Variants in CACNB2 observed in about 807,000 individuals in gnomAD.
CACNB2 encodes the protein calcium voltage-gated channel auxiliary subunit beta 2, also known as voltage-dependent L-type calcium channel subunit beta-2.
In CACNB2, 42 loss-of-function variants were observed where a neutral mutation model predicts 73.3. That is an observed-to-expected ratio of 0.57 (90% CI 0.45 to 0.74). The LOEUF (loss-of-function observed/expected upper bound fraction) is 0.74, where lower values mean the gene tolerates loss of function less well. Ranked by LOEUF, CACNB2 falls within the 30% of genes least tolerant of loss-of-function variation. The pLI is 0.00. For missense variants in CACNB2, 940 were observed against 853.0 expected (o/e 1.10, Z -1.27); for synonymous variants, 348 against 310.3 (o/e 1.12, Z -1.28).
chr10:18,228,857 G>C (rs920381037), intron 2 of CACNB2, among the ~76,000 whole-genome samples: 3 of 152,124 alleles, frequency 2.0e-5, no homozygotes, highest in African/African-American at 4.8e-5. Context: ...TCCTGCCTCA[G>C]CCTCCCAAGT....
At chr10:18,190,445 A>T (rs143155872) in intron 2 of CACNB2, among the ~76,000 whole-genome samples, 2 of 152,266 alleles carry the variant, frequency 1.3e-5, no homozygotes, top group East Asian at 3.9e-4. Flanking sequence ...ACTTGGAGGG[A>T]ATGGTCATGG....
chr10:18,248,789 C>T (rs2036968865), intron 2 of CACNB2, among the ~76,000 whole-genome samples: 1 of 152,164 alleles, frequency 6.6e-6, no homozygotes, highest in Non-Finnish European at 1.5e-5. Flanking sequence ...TATCTGAGTT[C>T]CCGTGATGGA....
At chr10:18,310,072 C>T (rs548938860) in intron 2 of CACNB2, among the ~76,000 whole-genome samples, 94 of 152,152 alleles carry the variant, frequency 6.2e-4, no homozygotes, top group African/African-American at 2.2e-3. Flanking sequence ...TACTCAGTTA[C>T]AGTTTCTTAA....
chr10:18,174,247 CCCCTT>C (rs10599460), intron 2 of CACNB2, among the ~76,000 whole-genome samples: 6,589 of 128,894 alleles, frequency 0.051, 487 homozygotes, highest in African/African-American at 0.16. Flanking sequence ...CTTCTCCCCT[CCCCTT>C]CCCTTCCCTC....
At position 18,314,698 on chromosome 10, in the gene CACNB2, A is replaced by T. The variant is rs181879775; in HGVS notation, c.214-87226A>T. ...TACAGCAAAACATTTTTTCATACACATGAACCCTACAGTACCCACTGTAAC... is the reference window on the plus strand; with the variant it reads ...TACAGCAAAACATTTTTTCATACACTTGAACCCTACAGTACCCACTGTAAC... On this transcript the variant is annotated intron_variant, in intron 2 of 13. Coordinates refer to ENST00000324631, the MANE Select transcript of CACNB2 (RefSeq NM_201596.3). Among the ~76,000 whole-genome samples, 212 of 152,290 alleles carry T rather than the reference A, an allele frequency of 1.4e-3. 5 individuals carry two copies. Among genetic ancestry groups the T allele is most frequent in the Non-Finnish European group, 1.8e-4 (12 of 68,030 alleles).
intron 2 of CACNB2, among the ~76,000 whole-genome samples, chr10:18,288,704 CAG>C (rs1554785396): frequency 1.3e-4 from 19 of 151,364 alleles, no homozygotes; most frequent in South Asian, 2.1e-4. Flanking sequence ...CACACACACA[CAG>C]AGATACCCAG....
intron 2 of CACNB2, among the ~76,000 whole-genome samples, chr10:18,157,363 C>G (rs529358388): frequency 1.3e-5 from 2 of 152,264 alleles, no homozygotes; most frequent in South Asian, 4.1e-4. Context: ...TTCTGTACAG[C>G]AGCTTTTTCC....
intron 3 of CACNB2, among the ~76,000 whole-genome samples, chr10:18,448,479 T>TAAAAAAAAAAAAAAA (rs56255761): frequency 2.8e-5 from 3 of 107,028 alleles, no homozygotes; most frequent in Middle Eastern, 5.4e-3. Context: ...CTCTCTCATT[T>TAAAAAAAAAAAAAAA]AAAAAAAAAA....
At chr10:18,205,749 G>A (rs1293196397) in intron 2 of CACNB2, among the ~76,000 whole-genome samples, 3 of 152,244 alleles carry the variant, frequency 2.0e-5, no homozygotes, top group Admixed American at 6.5e-5. Context: ...GGAGTGGAGA[G>A]AAGAGGGTAG....
intron 3 of CACNB2, among the ~76,000 whole-genome samples, chr10:18,496,370 A>G (rs1053337770): frequency 6.6e-6 from 1 of 152,176 alleles, no homozygotes; most frequent in Non-Finnish European, 1.5e-5. Flanking sequence ...AGAGGCAGGT[A>G]GAACAAATTA....
In CACNB2 at chr10:18,528,818, T is replaced by C. The variant is rs112386069; in HGVS notation, c.1054+1121T>C. ...CAGTTAAAACTCTTTCCACACATCATTTGATGCTCACAAGAATTACTTTTT... is the reference window on the plus strand; with the variant it reads ...CAGTTAAAACTCTTTCCACACATCACTTGATGCTCACAAGAATTACTTTTT... On this transcript the variant is annotated intron_variant, in intron 10 of 13. Transcript: ENST00000324631. Among the ~76,000 whole-genome samples, 127 of 152,312 alleles carry C rather than the reference T, an allele frequency of 8.3e-4. 1 individual carries two copies. The highest frequency in any genetic ancestry group is 2.8e-3 in the African/African-American group (115 of 41,574).
At chr10:18,346,668 C>T (rs1285909315) in intron 2 of CACNB2, among the ~76,000 whole-genome samples, 1 of 152,084 alleles carries the variant, frequency 6.6e-6, no homozygotes, top group Non-Finnish European at 1.5e-5. Flanking sequence ...ATGATCTCAG[C>T]TTACTGCAAC....
chr10:18,512,530 C>A (rs1340527610), intron 6 of CACNB2, among the ~76,000 whole-genome samples: 2 of 152,178 alleles, frequency 1.3e-5, no homozygotes, highest in African/African-American at 2.4e-5. Flanking sequence ...TACACAAAAT[C>A]TGCAAAAAGA....
At chr10:18,444,546 G>A (rs1022265689) in intron 3 of CACNB2, among the ~76,000 whole-genome samples, 13 of 152,054 alleles carry the variant, frequency 8.5e-5, no homozygotes, top group Admixed American at 5.2e-4. Context: ...GTTTTATGGC[G>A]GGAGCAGTGG....
chr10:18,324,147 G>A (rs1475267928), intron 2 of CACNB2, among the ~76,000 whole-genome samples: 1 of 152,110 alleles, frequency 6.6e-6, no homozygotes, highest in East Asian at 1.9e-4. Context: ...CTATTAATTA[G>A]GTACCATCTA....
chr10:18,196,007 C>T (rs1396450029), intron 2 of CACNB2, among the ~76,000 whole-genome samples: 3 of 152,052 alleles, frequency 2.0e-5, no homozygotes, highest in African/African-American at 7.2e-5. Context: ...CAATAGTAAC[C>T]CTAGTGATGG....
chr10:18,482,807 A>G (rs7073796), intron 3 of CACNB2, among the ~76,000 whole-genome samples: 94,291 of 152,048 alleles, frequency 0.62, 29,448 homozygotes, highest in South Asian at 0.79. Context: ...CCACCACGCC[A>G]GGCCTGGGGT....
At chr10:18,340,724 G>A (rs2041197188) in intron 2 of CACNB2, 6 of 1,455,548 alleles carry the variant, frequency 4.1e-6, no homozygotes, top group Non-Finnish European at 5.4e-6. Context: ...AGTGGTTCTG[G>A]AACAGAGAGC....
chr10:18,418,857 T>C (rs529281407), intron 3 of CACNB2, among the ~76,000 whole-genome samples: 97 of 152,336 alleles, frequency 6.4e-4, no homozygotes, highest in African/African-American at 1.5e-3. Flanking sequence ...GGCAAAAATG[T>C]ACAGTCTAAT....
Sources: gnomAD v4.1 joint callset for allele counts (sites outside exome capture counted in the v4.1 genomes callset) on GRCh38, gnomAD v4.1.1 for gene constraint, MANE v1.5 for transcripts, NCBI Gene and HGNC (gene_info 2026-07-23, HGNC 2026-07-21) for gene names.